The following SLC45A1 variants were observed in gnomAD, a reference collection of about 807,000 sequenced individuals.
The protein encoded by SLC45A1 is solute carrier family 45 member 1, also known as proton-associated sugar transporter A.
Under a neutral mutation model 57.6 loss-of-function variants are expected in SLC45A1, and 28 were observed. That is an observed-to-expected ratio of 0.49 (90% CI 0.36 to 0.67). The LOEUF is 0.67. SLC45A1 is among the 30% of genes least tolerant of loss of function. The pLI is 0.00. For missense variants in SLC45A1, 814 were observed against 1,041.5 expected (o/e 0.78, Z 3.01); for synonymous variants, 459 against 471.5 (o/e 0.97, Z 0.34).
In SLC45A1 at chr1:8,330,527, C is replaced by A. The variant is rs777620328; in HGVS notation, c.1034C>A (p.Thr345Lys). ...CCCATCTCGCCGCCCAGCCCCCTCACGCCCAAGTACGGCAGCTTCATCAGC... is the reference window on the plus strand; with the variant it reads ...CCCATCTCGCCGCCCAGCCCCCTCAAGCCCAAGTACGGCAGCTTCATCAGC... ...SSPISPPSPL[T>K]PKYGSFISRD... Residue 345 changes from threonine to lysine, a missense_variant, in exon 5 of 9, where the codon ACG becomes AAG. Physicochemically the swap from Thr to Lys is moderately conservative, Grantham distance 78. Coordinates refer to ENST00000471889, the MANE Select transcript of SLC45A1 (RefSeq NM_001080397.3). This position sits in a 1 kb window ranked among gnomAD's most constrained non-coding sequence, Gnocchi z 8.4. The A allele has an allele frequency of 5.6e-6, 9 of 1,613,274 alleles. No homozygotes were observed. In the Admixed American group the frequency reaches 1.5e-4, roughly 27 times the overall value.
chr1:8,322,849 G>T (rs1229644703), intron 1 of SLC45A1, among the ~76,000 whole-genome samples: 3 of 152,134 alleles, frequency 2.0e-5, no homozygotes, highest in Admixed American at 2.0e-4. Context: ...GAGCAGGTGG[G>T]CTGTGTCTGA....
At chr1:8,321,459 A>T (rs1177996568) in intron 1 of SLC45A1, among the ~76,000 whole-genome samples, 1 of 152,138 alleles carries the variant, frequency 6.6e-6, no homozygotes, top group Non-Finnish European at 1.5e-5. Flanking sequence ...TGAGGGCTTC[A>T]TCTCTCACCC....
At position 8,325,808 on chromosome 1, in the gene SLC45A1, C is replaced by T. The variant is rs754191088; in HGVS notation, c.491-10C>T. 1.2e-6 allele frequency: 2 copies of T among 1,611,054 alleles called. No homozygotes were observed. Among genetic ancestry groups the T allele is most frequent in the Admixed American group, 1.7e-5 (1 of 60,002 alleles). ...ATTTTCTTGGGGTGACTTTGTTTCT[C>T]TGTGTCCAGGGGCACTGCTGGGCCT... On this transcript the variant is annotated splice_polypyrimidine_tract_variant and intron_variant, in intron 3 of 8. Coordinates refer to ENST00000471889, the MANE Select transcript of SLC45A1 (RefSeq NM_001080397.3). This position sits in a 1 kb window ranked among gnomAD's most constrained non-coding sequence, Gnocchi z 6.3.
In SLC45A1 at chr1:8,330,752, A is replaced by G; in HGVS notation, c.1259A>G (p.Glu420Gly). The G allele has an allele frequency of 6.2e-7, 1 of 1,613,278 alleles. No homozygotes were observed. The highest frequency in any genetic ancestry group is 8.5e-7 in the Non-Finnish European group (1 of 1,179,996). The change falls in exon 5 of 9, where the codon GAG becomes GGG. Residue 420 changes from glutamate (E) to glycine (G), a missense_variant. Physicochemically the swap from Glu to Gly is moderately conservative, Grantham distance 98. Transcript: ENST00000471889. The surrounding 1 kb of genome is among the most constrained non-coding windows in gnomAD (Gnocchi z 8.4). The part of the protein sequence containing the change: ...GFYRQDRGLL[E>G]GREGALTSGC... ...TACCGCCAGGACCGTGGACTTCTGG[A>G]GGGCAGAGAGGGTGCCCTGACCTCC...
chr1:8,331,217 TA>T (rs1640396888), intron 5 of SLC45A1, among the ~76,000 whole-genome samples: 2 of 152,234 alleles, frequency 1.3e-5, no homozygotes, highest in African/African-American at 2.4e-5. Context: ...CTCTACTTTT[TA>T]GTATTTTAGT....
chr1:8,324,786 G>C lies in SLC45A1; in HGVS notation c.397+60G>C, dbSNP rs1204601544. On this transcript the variant is annotated intron_variant, in intron 2 of 8. Coordinates refer to ENST00000471889, the MANE Select transcript of SLC45A1 (RefSeq NM_001080397.3). ...TCTGGAAGCCTCCAGAAGCCTCATC[G>C]CAGTAGCCTGAGGGTCCTGAGGGGA... 1.5e-5 allele frequency: 22 copies of C among 1,451,978 alleles called. No individual in the cohort carries two copies. The South Asian group carries it at 2.9e-4, about 19-fold the overall frequency. The allele number at this position is 1,451,978 out of a possible 1,614,324, so 89.9% of individuals were successfully genotyped here.
chr1:8,340,648 C>A (rs11799880), intron 8 of SLC45A1, among the ~76,000 whole-genome samples: 2 of 152,142 alleles, frequency 1.3e-5, no homozygotes, highest in Admixed American at 1.3e-4. Flanking sequence ...GTTTTATCAC[C>A]TCCCCTTGTT....
intron 8 of SLC45A1, among the ~76,000 whole-genome samples, chr1:8,340,106 T>C (rs1640763640): frequency 6.6e-6 from 1 of 152,162 alleles, no homozygotes; most frequent in Non-Finnish European, 1.5e-5. Flanking sequence ...ATGCAGTATT[T>C]TTAAAAATCA....
rs1640222666 is a variant in SLC45A1, at chr1:8,326,988, A to C, written c.715+946A>C. On this transcript the variant is annotated intron_variant, in intron 4 of 8. Coordinates refer to ENST00000471889, the MANE Select transcript of SLC45A1 (RefSeq NM_001080397.3). The surrounding 1 kb of genome is among the most constrained non-coding windows in gnomAD (Gnocchi z 5.5). ...AGAGCGAACCTCCATCTCAAAAACA[A>C]ACAAACAAACAAACACCAACTCTTG... is the stretch of plus-strand genomic sequence containing the variant. 1.3e-5 allele frequency among the ~76,000 whole-genome samples: 2 copies of C among 152,162 alleles called. No individual in the cohort carries two copies. The highest frequency in any genetic ancestry group is 1.3e-4 in the Admixed American group (2 of 15,278).
chr1:8,332,648 A>G (rs1640451549), intron 5 of SLC45A1, among the ~76,000 whole-genome samples: 2 of 151,510 alleles, frequency 1.3e-5, no homozygotes, highest in African/African-American at 4.9e-5. Context: ...AGTAGCTGGG[A>G]CTACGGGCAC....
chr1:8,325,691 C>T lies in SLC45A1; in HGVS notation c.491-127C>T, dbSNP rs768383063. 85 of 875,208 alleles carry T rather than the reference C, an allele frequency of 9.7e-5. No individual in the cohort carries two copies. Among genetic ancestry groups the T allele is most frequent in the Non-Finnish European group, 1.4e-4 (79 of 580,030 alleles). 54.2% of individuals were successfully genotyped at this position (875,208 alleles called of 1,614,324 possible). A position where few individuals can be genotyped will look rare whatever the true frequency, so the allele number is the denominator to read the frequency against. On this transcript the variant is annotated intron_variant, in intron 3 of 8. Transcript: ENST00000471889. The surrounding 1 kb of genome is among the most constrained non-coding windows in gnomAD (Gnocchi z 6.3). The stretch of plus-strand genomic sequence containing the variant: ...GTGAGTTTGCAGGCGGCTTTTCCAC[C>T]GGGCTGTGCTTGAGGTTTAAGTTTT...
chr1:8,318,446 G>A (rs1639891656), intron 1 of SLC45A1, among the ~76,000 whole-genome samples: 1 of 152,236 alleles, frequency 6.6e-6, no homozygotes, highest in South Asian at 2.1e-4. Flanking sequence ...GGCAAGGGGA[G>A]GAGACCCCGG....
At position 8,330,351 on chromosome 1, in the gene SLC45A1, C is replaced by T; in HGVS notation, c.858C>T (p.Val286=). 1 of 1,613,480 alleles carries T rather than the reference C, an allele frequency of 6.2e-7. No homozygotes were observed. The highest frequency in any genetic ancestry group is 8.5e-7 in the Non-Finnish European group (1 of 1,180,006). ...GCGTCACCACCGTCCTGACCCTGGT[C>T]AGCATCCCTGAGAGGCCGCTGCGGC... ...TLSVTTVLTL[V]SIPERPLRPP... The change falls in exon 5 of 9, where the codon GTC becomes GTT. Residue 286 remains valine, a synonymous_variant. Coordinates refer to ENST00000471889, the MANE Select transcript of SLC45A1 (RefSeq NM_001080397.3). The surrounding 1 kb of genome is among the most constrained non-coding windows in gnomAD (Gnocchi z 8.4).
rs543430031 is a variant in SLC45A1, at chr1:8,343,560, C to T, written c.1981-187C>T. 4.2e-4 allele frequency among the ~76,000 whole-genome samples: 64 copies of T among 152,286 alleles called. No individual in the cohort carries two copies. Among genetic ancestry groups the T allele is most frequent in the African/African-American group, 1.4e-3 (60 of 41,546 alleles). On this transcript the variant is annotated intron_variant, in intron 8 of 8. Coordinates refer to ENST00000471889, the MANE Select transcript of SLC45A1 (RefSeq NM_001080397.3). This position sits in a 1 kb window ranked among gnomAD's most constrained non-coding sequence, Gnocchi z 7.7. ...ATTAGTCATGGATTCTTTTCATTGTCGTCATCTCTCCGAACACAAATATTG... is the reference window on the plus strand; with the variant it reads ...ATTAGTCATGGATTCTTTTCATTGTTGTCATCTCTCCGAACACAAATATTG...
chr1:8,338,574 T>C (rs1466468246), intron 7 of SLC45A1, among the ~76,000 whole-genome samples: 1 of 152,208 alleles, frequency 6.6e-6, no homozygotes. Context: ...CGCATACTTT[T>C]TTCGCAAAAG....
intron 1 of SLC45A1, among the ~76,000 whole-genome samples, chr1:8,323,616 A>ATTACT (rs151295180): frequency 0.53 from 80,380 of 151,390 alleles, 22,399 homozygotes; most frequent in East Asian, 0.76. Flanking sequence ...AGTTCGGCTT[A>ATTACT]TTAAAGAAAG....
rs115723569 is a variant in SLC45A1, at chr1:8,331,697, C to G, written c.1443+761C>G. Among the ~76,000 whole-genome samples the G allele has an allele frequency of 3.7e-3, 560 of 152,236 alleles. 4 individuals carry two copies. Among genetic ancestry groups the G allele is most frequent in the African/African-American group, 0.013 (543 of 41,522 alleles). ...ACGTCTTCCCTTGCATGTTAGTGAA[C>G]AAGTTCTGGGCCTGAGTCCACCTAT... On this transcript the variant is annotated intron_variant, in intron 5 of 8. Coordinates refer to ENST00000471889, the MANE Select transcript of SLC45A1 (RefSeq NM_001080397.3).
chr1:8,337,071 C>T lies in SLC45A1; in HGVS notation c.1598-745C>T, dbSNP rs1031743343. Reference sequence around the variant, plus strand: ...CTCACGCTGCTAATAAAGACATACACGAAACTGGGTAATTTATAAAGAAAA... The same window carrying T: ...CTCACGCTGCTAATAAAGACATACATGAAACTGGGTAATTTATAAAGAAAA... On this transcript the variant is annotated intron_variant, in intron 6 of 8. Transcript: ENST00000471889. 3.3e-5 allele frequency among the ~76,000 whole-genome samples: 5 copies of T among 152,162 alleles called. No individual in the cohort carries two copies. The South Asian group carries it at 6.2e-4, about 19-fold the overall frequency.
Position 8,324,525 on chromosome 1 carries a change from A to AC in SLC45A1, c.200dup (p.Cys68ValfsTer4). 6 of 1,337,352 alleles carry AC rather than the reference A, an allele frequency of 4.5e-6. No homozygotes were observed. The highest frequency in any genetic ancestry group is 6.0e-6 in the Non-Finnish European group (6 of 994,640). The allele number at this position is 1,337,352 out of a possible 1,614,324, so 82.8% of individuals were successfully genotyped here. A position where few individuals can be genotyped will look rare whatever the true frequency, so the allele number is the denominator to read the frequency against. ...TCCCTCCCCACCCCCGCCCCCCAAC[A>AC]CCCCGTGCCCGCTTGAGCTGGTGGA... On this transcript the variant is annotated frameshift_variant, in exon 2 of 9. Transcript: ENST00000471889. LOFTEE classifies it high-confidence loss of function.
Sources: allele counts gnomAD v4.1 joint callset (sites outside exome capture counted in the v4.1 genomes callset), GRCh38; gene constraint gnomAD v4.1.1; non-coding constraint Gnocchi (gnomAD v3.1); transcripts MANE v1.5; gene names NCBI Gene and HGNC (gene_info 2026-07-23, HGNC 2026-07-21).